Variants in CFAP52 observed in about 807,000 individuals in gnomAD.
The protein encoded by CFAP52 is cilia and flagella associated protein 52, also known as cilia- and flagella-associated protein 52.
In CFAP52, 57 loss-of-function variants were observed where a neutral mutation model predicts 70.5. The ratio of observed to expected loss-of-function variants is 0.81; its 90% CI spans 0.65 to 1.01. The LOEUF (loss-of-function observed/expected upper bound fraction) is 1.01. Ranked by LOEUF, CFAP52 falls within the 50% of genes least tolerant of loss-of-function variation. The pLI is 0.00. For synonymous variants in CFAP52, 267 were observed against 292.5 expected (o/e 0.91, Z 0.89); for missense variants, 785 against 788.5 (o/e 1.00, Z 0.05).
chr17:9,584,036 T>A (rs796778857), intron 1 of CFAP52: 5 of 242,206 alleles, frequency 2.1e-5, no homozygotes, highest in African/African-American at 1.2e-4. Context: ...GATCAAAGCA[T>A]TTTTGTGAAA....
Position 9,583,648 on chromosome 17 carries a change from T to C in CFAP52, c.71-2125T>C, listed in dbSNP as rs1341467738. 3.9e-5 allele frequency among the ~76,000 whole-genome samples: 6 copies of C among 152,278 alleles called. No individual in the cohort carries two copies. In the East Asian group the frequency reaches 9.6e-4, roughly 24 times the overall value. Reference sequence around the variant, plus strand: ...AATCATTTTCCCTTAAGTTAATCTATACATTTAATACTATCTCACTAAAAA... The same window carrying C: ...AATCATTTTCCCTTAAGTTAATCTACACATTTAATACTATCTCACTAAAAA... On this transcript the variant is annotated intron_variant, in intron 1 of 13. Coordinates refer to ENST00000352665, the MANE Select transcript of CFAP52 (RefSeq NM_145054.5).
intron 8 of CFAP52, among the ~76,000 whole-genome samples, chr17:9,623,806 C>T (rs1039383904): frequency 3.5e-4 from 53 of 152,176 alleles, no homozygotes; most frequent in African/African-American, 1.2e-3. Context: ...AGTGTTCCTC[C>T]TGCCTCAGCC....
At chr17:9,604,215 G>T (rs1909390034) in intron 6 of CFAP52, among the ~76,000 whole-genome samples, 1 of 152,034 alleles carries the variant, frequency 6.6e-6, no homozygotes, top group African/African-American at 2.4e-5. Context: ...AAATCCAGAA[G>T]ACCTAAGATG....
chr17:9,590,852 C>T (rs1223276476), intron 3 of CFAP52, among the ~76,000 whole-genome samples: 2 of 151,940 alleles, frequency 1.3e-5, no homozygotes, highest in South Asian at 2.1e-4. Flanking sequence ...ATGCCCATCC[C>T]TGGATAGTCT....
chr17:9,587,680 T>G (rs1908559113), intron 3 of CFAP52, among the ~76,000 whole-genome samples: 1 of 152,224 alleles, frequency 6.6e-6, no homozygotes, highest in Non-Finnish European at 1.5e-5. Flanking sequence ...TTTTGCAAAG[T>G]GTTCATGTCC....
intron 5 of CFAP52, among the ~76,000 whole-genome samples, chr17:9,599,744 CT>C (rs563733904): frequency 0.011 from 1,606 of 147,100 alleles, 31 homozygotes; most frequent in African/African-American, 0.037. Flanking sequence ...TTTTCTTCTT[CT>C]TTTTTTTTTT....
chr17:9,602,570 A>G (rs1909320529), intron 6 of CFAP52, among the ~76,000 whole-genome samples: 1 of 152,218 alleles, frequency 6.6e-6, no homozygotes, highest in Non-Finnish European at 1.5e-5. Context: ...TATTGTGAAT[A>G]GTGCCACAAT....
chr17:9,586,202 G>T (rs566934810), intron 2 of CFAP52, among the ~76,000 whole-genome samples: 1 of 152,164 alleles, frequency 6.6e-6, no homozygotes, highest in East Asian at 1.9e-4. Context: ...ACAAACAAAA[G>T]TTCCCGCTTA....
rs530215330 is a variant in CFAP52 at position 9,637,883 on chromosome 17, C to T, written c.1473-726C>T. Among the ~76,000 whole-genome samples, 84 of 152,268 alleles carry T rather than the reference C, an allele frequency of 5.5e-4. 5 individuals are homozygous for T. In the South Asian group the frequency reaches 0.017, roughly 31 times the overall value. On this transcript the variant is annotated intron_variant, in intron 11 of 13. Coordinates refer to ENST00000352665, the MANE Select transcript of CFAP52 (RefSeq NM_145054.5). ...GAGCTGCTGCACTCGGCCCATAATA[C>T]CCATTTTAAAAATACCCTTCCCAGG...
intron 6 of CFAP52, among the ~76,000 whole-genome samples, chr17:9,602,122 G>T (rs1461725650): frequency 6.6e-6 from 1 of 151,956 alleles, no homozygotes; most frequent in East Asian, 1.9e-4. Context: ...TTTTAGGATA[G>T]GAATTCTTTT....
At chr17:9,609,967 AT>A (rs1185302364) in intron 7 of CFAP52, among the ~76,000 whole-genome samples, 1 of 152,014 alleles carries the variant, frequency 6.6e-6, no homozygotes, top group East Asian at 1.9e-4. Flanking sequence ...ATAGACACTT[AT>A]AAAACCTGGA....
chr17:9,631,790 G>T (rs1910553548), intron 9 of CFAP52, among the ~76,000 whole-genome samples: 1 of 144,176 alleles, frequency 6.9e-6, no homozygotes, highest in Non-Finnish European at 1.5e-5. Context: ...TTTTTGAGAT[G>T]GAGTCGTGCT....
chr17:9,628,560 A>G, intron 8 of CFAP52, 112 bp from the exon 9 acceptor site: 1 of 1,425,056 alleles, frequency 7.0e-7, no homozygotes, highest in Non-Finnish European at 9.5e-7. Context: ...TACAGGTTTG[A>G]GCCACCGCGC....
At chr17:9,581,621 A>G (rs566754981) in intron 1 of CFAP52, among the ~76,000 whole-genome samples, 1 of 152,152 alleles carries the variant, frequency 6.6e-6, no homozygotes, top group African/African-American at 2.4e-5. Context: ...AGTGTGTGTG[A>G]GTATGTCTGG....
chr17:9,601,893 A>G (rs1387733739), intron 6 of CFAP52, among the ~76,000 whole-genome samples: 2 of 152,236 alleles, frequency 1.3e-5, no homozygotes, highest in Non-Finnish European at 2.9e-5. Flanking sequence ...AAGCTTAGAT[A>G]CTTTTCCACA....
intron 11 of CFAP52, among the ~76,000 whole-genome samples, chr17:9,637,319 G>A (rs1910851612): frequency 6.6e-6 from 1 of 152,156 alleles, no homozygotes; most frequent in Non-Finnish European, 1.5e-5. Flanking sequence ...TTCTATGGAT[G>A]CTTTGTGACT....
In CFAP52 at chr17:9,631,169, A is replaced by G. The variant is rs867836601; in HGVS notation, c.1175-1719A>G. 3.3e-5 allele frequency among the ~76,000 whole-genome samples: 5 copies of G among 152,118 alleles called. No homozygotes were observed. In the Middle Eastern group the frequency reaches 0.01, roughly 310 times the overall value. ...GTCTTTTACCCTCTAAGAGTAAATG[A>G]CAAAGATCCCCCCATCACCTACAAG... On this transcript the variant is annotated intron_variant, in intron 9 of 13. Coordinates refer to ENST00000352665, the MANE Select transcript of CFAP52 (RefSeq NM_145054.5).
intron 4 of CFAP52, among the ~76,000 whole-genome samples, chr17:9,595,927 A>G (rs554832443): frequency 6.6e-6 from 1 of 151,140 alleles, no homozygotes; most frequent in African/African-American, 2.4e-5. Context: ...CGTTTAAAAT[A>G]TGTCTGAGTA....
Position 9,598,092 on chromosome 17 carries a change from G to A in CFAP52, c.537-142G>A, listed in dbSNP as rs1333626883. On this transcript the variant is annotated intron_variant, in intron 4 of 13. Coordinates refer to ENST00000352665, the MANE Select transcript of CFAP52 (RefSeq NM_145054.5). ...GCCTCGTGGTGGTGTTATGAGGATC[G>A]AATAAAAGATCTTTCATAGTGCACT... 1.3e-5 allele frequency: 8 copies of A among 619,224 alleles called. 1 individual carries two copies. Among genetic ancestry groups the A allele is most frequent in the South Asian group, 8.0e-5 (4 of 50,080 alleles). 38.4% of individuals were successfully genotyped at this position (619,224 alleles called of 1,614,324 possible).
Sources: allele counts gnomAD v4.1 joint callset (sites outside exome capture counted in the v4.1 genomes callset), GRCh38; gene constraint gnomAD v4.1.1; transcripts MANE v1.5; gene names NCBI Gene and HGNC (gene_info 2026-07-23, HGNC 2026-07-21).